Variants in SHROOM2 observed in about 807,000 individuals in gnomAD.
SHROOM2 encodes the protein protein Shroom2.
In SHROOM2, 33 loss-of-function variants were observed where a neutral mutation model predicts 75.9. That is an observed-to-expected ratio of 0.43 (90% CI 0.33 to 0.58). The LOEUF (loss-of-function observed/expected upper bound fraction) is 0.58. Among genes scored for constraint, SHROOM2 ranks in the 20% least tolerant of loss-of-function variants. The pLI, the probability that SHROOM2 is intolerant of heterozygous loss-of-function variation, is 0.04. For synonymous variants in SHROOM2, 655 were observed against 663.6 expected, an observed-to-expected ratio of 0.99 and a Z score of 0.20; for missense variants, 1,434 against 1,461.2, an observed-to-expected ratio of 0.98 and a Z score of 0.30.
chrX:9,890,464 AAAG>A (rs760342741), intron 2 of SHROOM2, among the ~76,000 whole-genome samples: 10 of 113,808 alleles, frequency 8.8e-5, no homozygotes, highest in African/African-American at 3.2e-4. Flanking sequence ...AAAAATCTAA[AAAG>A]AAGGTGTGGG....
chrX:9,913,534 C>G (rs2084453081), intron 5 of SHROOM2, among the ~76,000 whole-genome samples: 1 of 112,417 alleles, frequency 8.9e-6, no homozygotes, highest in Non-Finnish European at 1.9e-5. Context: ...CTTTGCTTTA[C>G]TAAAGGAGGC....
intron 1 of SHROOM2, among the ~76,000 whole-genome samples, chrX:9,826,709 A>G (rs2083889108): frequency 8.9e-6 from 1 of 112,057 alleles, no homozygotes; most frequent in African/African-American, 3.2e-5. Flanking sequence ...CAGGGAAGTC[A>G]AGGCTGCAGT....
At chrX:9,883,532 C>G (rs1204073471) in intron 2 of SHROOM2, among the ~76,000 whole-genome samples, 2 of 111,292 alleles carry the variant, frequency 1.8e-5, no homozygotes, top group African/African-American at 3.3e-5. Flanking sequence ...TCTGCCAAGA[C>G]CCTAGATGCT....
In SHROOM2 at chrX:9,896,477, G is replaced by A. The variant is rs746770133; in HGVS notation, c.2569G>A (p.Ala857Thr). 52 of 1,209,395 alleles carry A rather than the reference G, an allele frequency of 4.3e-5. No homozygotes were observed. The East Asian group carries it at 9.2e-4, about 21-fold the overall frequency. The change falls in exon 4 of 10, where the codon GCA becomes ACA. Residue 857 changes from alanine (A) to threonine (T), a missense_variant. Physicochemically the swap from Ala to Thr is moderately conservative, Grantham distance 58. Transcript: ENST00000380913. ...TGGGGACAGCCTCAACGCTCACAGC[G>A]CAGCGGAGAAGGCAGGGACTTCAGA... ...SLGDSLNAHSAAEKAGTSDLP... is the reference protein window; with the variant it reads ...SLGDSLNAHSTAEKAGTSDLP...
chrX:9,799,516 A>G (rs2083713129), intron 1 of SHROOM2, among the ~76,000 whole-genome samples: 1 of 111,479 alleles, frequency 9.0e-6, no homozygotes, highest in Non-Finnish European at 1.9e-5. Context: ...ATTACCATTA[A>G]TTAAGAATTT....
chrX:9,914,088 C>T (rs925216980), intron 5 of SHROOM2, among the ~76,000 whole-genome samples: 1 of 97,533 alleles, frequency 1.0e-5, no homozygotes, highest in African/African-American at 3.8e-5. Context: ...CCTCCCGCCC[C>T]GATCACCACC....
chrX:9,865,973 C>T (rs1431950729), intron 1 of SHROOM2, among the ~76,000 whole-genome samples: 1 of 110,729 alleles, frequency 9.0e-6, no homozygotes, highest in East Asian at 2.8e-4. Flanking sequence ...TGACCTTCCC[C>T]TTGGGCATCT....
At chrX:9,876,866 C>T (rs982094342) in intron 2 of SHROOM2, among the ~76,000 whole-genome samples, 3 of 112,071 alleles carry the variant, frequency 2.7e-5, no homozygotes, top group Non-Finnish European at 5.6e-5. Context: ...TGCAGTGGTG[C>T]GATCATAGCT....
chrX:9,815,840 G>T (rs1217083032), intron 1 of SHROOM2, among the ~76,000 whole-genome samples: 2 of 111,126 alleles, frequency 1.8e-5, no homozygotes, highest in Non-Finnish European at 3.8e-5. Context: ...TGATTAGATT[G>T]TGCCCACCAG....
intron 2 of SHROOM2, among the ~76,000 whole-genome samples, chrX:9,888,926 G>A (rs1402491304): frequency 8.9e-6 from 1 of 112,139 alleles, no homozygotes; most frequent in Non-Finnish European, 1.9e-5. Context: ...AGTGTCAGAC[G>A]TTTTCTTTTC....
At chrX:9,848,609 G>A (rs1487065939) in intron 1 of SHROOM2, among the ~76,000 whole-genome samples, 1 of 109,850 alleles carries the variant, frequency 9.1e-6, no homozygotes, top group African/African-American at 3.3e-5. Context: ...GGGGATGTGA[G>A]GAGAGGAACT....
Position 9,792,089 on chromosome X carries a change from T to A in SHROOM2, c.165+5379T>A, listed in dbSNP as rs1332339946. On this transcript the variant is annotated intron_variant, in intron 1 of 9. Transcript: ENST00000380913. ...TAGAATAGAATAGAATAGAATAGAA[T>A]AGAATAGAATAGAATAGAATAGAAT... 2.7e-3 allele frequency among the ~76,000 whole-genome samples: 39 copies of A among 14,183 alleles called. 2 individuals carry two copies. Among genetic ancestry groups the A allele is most frequent in the African/African-American group, 4.4e-3 (22 of 4,952 alleles). 12.3% of individuals were successfully genotyped at this position (14,183 alleles called of 115,157 possible). A position where few individuals can be genotyped will look rare whatever the true frequency, so the allele number is the denominator to read the frequency against.
intron 6 of SHROOM2, among the ~76,000 whole-genome samples, chrX:9,933,752 G>C (rs1036327138): frequency 2.7e-5 from 3 of 112,046 alleles, no homozygotes; most frequent in African/African-American, 9.7e-5. Context: ...CTCCAGCCTG[G>C]GTGACAGAGT....
At chrX:9,792,048 ATAG>A (rs1569132869) in intron 1 of SHROOM2, among the ~76,000 whole-genome samples, 6,904 of 26,661 alleles carry the variant, frequency 0.26, 682 homozygotes, top group Admixed American at 0.33. Flanking sequence ...ATAGAATAGA[ATAG>A]AATAGAATAG....
At chrX:9,808,813 G>C (rs1454830284) in intron 1 of SHROOM2, among the ~76,000 whole-genome samples, 3 of 110,547 alleles carry the variant, frequency 2.7e-5, no homozygotes, top group Non-Finnish European at 5.7e-5. Flanking sequence ...AGTGAGCCAA[G>C]TTCGCGCCAT....
At chrX:9,836,416 G>A (rs909001329) in intron 1 of SHROOM2, among the ~76,000 whole-genome samples, 2 of 110,250 alleles carry the variant, frequency 1.8e-5, no homozygotes, top group Non-Finnish European at 3.8e-5. Context: ...TCTTTGCAAT[G>A]TCTGTGTGCC....
At chrX:9,872,371 C>G (rs2084175603) in intron 1 of SHROOM2, among the ~76,000 whole-genome samples, 1 of 112,551 alleles carries the variant, frequency 8.9e-6, no homozygotes, top group Non-Finnish European at 1.9e-5. Context: ...TCAAGACCAG[C>G]CTGGCCAATG....
chrX:9,845,876 T>C (rs190638208), intron 1 of SHROOM2, among the ~76,000 whole-genome samples: 151 of 88,120 alleles, frequency 1.7e-3, no homozygotes, highest in African/African-American at 6.2e-3. Context: ...GTTTTAGGAA[T>C]GTTCTAGCTC....
intron 5 of SHROOM2, among the ~76,000 whole-genome samples, chrX:9,927,356 CAAAAAAAAAAAAAAAAAA>C (rs56344026): frequency 0.02 from 492 of 24,422 alleles, 12 homozygotes; most frequent in African/African-American, 0.05. Flanking sequence ...TCTCTGTCTC[CAAAAAAAAAAAAAAAAAA>C]AAAAAAAAAA....
Sources: gnomAD v4.1 joint callset for allele counts (sites outside exome capture counted in the v4.1 genomes callset) on GRCh38, gnomAD v4.1.1 for gene constraint, MANE v1.5 for transcripts, NCBI Gene and HGNC (gene_info 2026-07-23, HGNC 2026-07-21) for gene names.